The following RGS3 variants were observed in gnomAD, a reference collection of about 807,000 sequenced individuals.
RGS3 encodes the protein regulator of G-protein signalling 3.
Under a neutral mutation model 132.6 loss-of-function variants are expected in RGS3, and 80 were observed. The observed-to-expected ratio is 0.60, with a 90% confidence interval of 0.50 to 0.73. RGS3 has a LOEUF of 0.73. RGS3 is among the 30% of genes least tolerant of loss of function. The probability of loss-of-function intolerance (pLI) is 0.00; values close to 1 mark genes in which losing one functional copy is unlikely to be tolerated. For missense variants in RGS3, 1,382 were observed against 1,530.8 expected, an observed-to-expected ratio of 0.90 and a Z score of 1.62; for synonymous variants, 598 against 620.6, an observed-to-expected ratio of 0.96 and a Z score of 0.54.
intron 10 of RGS3, chr9:113,501,361 T>G (rs1234102007): frequency 1.5e-6 from 2 of 1,307,120 alleles, no homozygotes; most frequent in Admixed American, 2.9e-5. Flanking sequence ...TCCCTCTTCC[T>G]TGTCATTCTG....
intron 19 of RGS3, among the ~76,000 whole-genome samples, chr9:113,546,337 C>G (rs1833114386): frequency 6.6e-6 from 1 of 152,136 alleles, no homozygotes; most frequent in African/African-American, 2.4e-5. Flanking sequence ...CTTCGTGGTT[C>G]CCAGAGTACT....
At chr9:113,574,567 AC>A (rs1295030538) in intron 19 of RGS3, among the ~76,000 whole-genome samples, 6 of 152,222 alleles carry the variant, frequency 3.9e-5, no homozygotes, top group Admixed American at 3.3e-4. Context: ...AATAAGCCAG[AC>A]ATGATCCTGA....
chr9:113,505,575 GCTTT>G, intron 11 of RGS3, 52 bp downstream of exon 9: 7 of 1,459,678 alleles, frequency 4.8e-6, no homozygotes, highest in Non-Finnish European at 6.7e-6. Flanking sequence ...ACACATGTGG[GCTTT>G]GCAAACATAG....
intron 10 of RGS3, 100 bp downstream of exon 8, chr9:113,498,180 G>A (rs1830748075): frequency 2.0e-6 from 2 of 976,812 alleles, no homozygotes; most frequent in Non-Finnish European, 1.6e-6. Flanking sequence ...TTTGGTGCTT[G>A]AAACTCAGCA....
chr9:113,551,782 C>G (rs1214204464), intron 19 of RGS3, among the ~76,000 whole-genome samples: 1 of 152,174 alleles, frequency 6.6e-6, no homozygotes, highest in African/African-American at 2.4e-5. Context: ...TTGCTTGAAC[C>G]TGGGAGGTGG....
At chr9:113,501,413 A>G (rs1165232691) in intron 10 of RGS3, 1 of 1,456,276 alleles carries the variant, frequency 6.9e-7, no homozygotes, top group African/African-American at 1.4e-5. Flanking sequence ...AGAGGCACAC[A>G]GCACAGACAG....
intron 18 of RGS3, chr9:113,536,508 G>A: frequency 1.8e-6 from 2 of 1,130,518 alleles, no homozygotes; most frequent in Non-Finnish European, 2.2e-6. Context: ...GACCTCATCG[G>A]CTCTGTCCTG....
At chr9:113,461,117 T>A (rs1211471401) in intron 1 of RGS3, among the ~76,000 whole-genome samples, 6 of 152,196 alleles carry the variant, frequency 3.9e-5, no homozygotes, top group Non-Finnish European at 7.3e-5. Context: ...TATGTGCATA[T>A]GATGTGACTG....
intron 3 of RGS3, among the ~76,000 whole-genome samples, chr9:113,464,922 C>T (rs911394924): frequency 4.6e-5 from 7 of 152,032 alleles, no homozygotes; most frequent in African/African-American, 7.2e-5. Context: ...GCTTTTTTTC[C>T]TTAGGGGTAG....
rs1414067422 is a variant in RGS3, at chr9:113,548,242, G to A, written c.2037+11324G>A. On this transcript the variant is annotated intron_variant, in intron 19 of 24. Transcript: ENST00000350696. ...TTCTGAAGATTCTGCTGGGCTGGGG[G>A]CAGGAAAGGGGTCACAGACGGTCTT... is the stretch of plus-strand genomic sequence containing the variant. Among the ~76,000 whole-genome samples, 7 of 152,206 alleles carry A rather than the reference G, an allele frequency of 4.6e-5. No individual in the cohort carries two copies. In the East Asian group the frequency reaches 1.3e-3, roughly 29 times the overall value.
intron 18 of RGS3, among the ~76,000 whole-genome samples, chr9:113,532,945 C>T (rs1832531872): frequency 6.6e-6 from 1 of 152,214 alleles, no homozygotes; most frequent in African/African-American, 2.4e-5. Context: ...GCATTCTGGT[C>T]GCCTCTTGGT....
intron 10 of RGS3, among the ~76,000 whole-genome samples, chr9:113,499,365 C>T (rs1349359129): frequency 6.6e-6 from 1 of 152,100 alleles, no homozygotes; most frequent in Non-Finnish European, 1.5e-5. Flanking sequence ...GAGGGACATA[C>T]ATGGTTCAGA....
intron 19 of RGS3, among the ~76,000 whole-genome samples, chr9:113,548,465 C>G (rs1016456898): frequency 5.9e-5 from 9 of 152,178 alleles, no homozygotes; most frequent in African/African-American, 2.2e-4. Context: ...TTACCTGCAG[C>G]TAGGAGCATG....
chr9:113,491,397 C>T (rs557291590), intron 7 of RGS3, among the ~76,000 whole-genome samples: 1 of 151,732 alleles, frequency 6.6e-6, no homozygotes, highest in South Asian at 2.1e-4. Flanking sequence ...TCTGCAGGCG[C>T]ATGCCACCAT....
rs1305095004 is a variant in RGS3 at position 113,447,329 on chromosome 9, G to GTATATATGTATATGTATATATATA, written c.-13+2409_-13+2410insGTATATGTATATATATATATATAT. The stretch of plus-strand genomic sequence containing the variant: ...CCAATAAATTCTGATGTATGTATAT[G>GTATATATGTATATGTATATATATA]TATATATATATATATATATATATAT... On this transcript the variant is annotated intron_variant, in intron 1 of 25. Transcript: ENST00000374140. Among the ~76,000 whole-genome samples, 6 of 27,536 alleles carry GTATATATGTATATGTATATATATA rather than the reference G, an allele frequency of 2.2e-4. 1 individual carries two copies. Among genetic ancestry groups the GTATATATGTATATGTATATATATA allele is most frequent in the Non-Finnish European group, 3.7e-4 (5 of 13,364 alleles). The allele number at this position is 27,536 out of a possible 152,430, so 18.1% of individuals were successfully genotyped here.
intron 19 of RGS3, among the ~76,000 whole-genome samples, chr9:113,555,690 C>T (rs1354677130): frequency 1.3e-5 from 2 of 152,212 alleles, no homozygotes; most frequent in African/African-American, 4.8e-5. Flanking sequence ...TGGTCTCGAA[C>T]TCCTGACCTC....
intron 7 of RGS3, among the ~76,000 whole-genome samples, chr9:113,488,088 G>T (rs1012642388): frequency 6.6e-6 from 1 of 152,196 alleles, no homozygotes; most frequent in Admixed American, 6.5e-5. Flanking sequence ...GGAAGGTTGA[G>T]GTGAGAGAGA....
chr9:113,575,411 T>C (rs1834468433), intron 19 of RGS3, among the ~76,000 whole-genome samples: 1 of 152,148 alleles, frequency 6.6e-6, no homozygotes, highest in Non-Finnish European at 1.5e-5. Flanking sequence ...ACAGAGGAGC[T>C]TCAGTCTGTG....
chr9:113,445,291 G>A (rs1040910325), intron 1 of RGS3, among the ~76,000 whole-genome samples: 3 of 151,642 alleles, frequency 2.0e-5, no homozygotes, highest in Non-Finnish European at 2.9e-5. Context: ...TCCGCCTCCC[G>A]GGTTCAAGCG....
Sources: gnomAD v4.1 joint callset for allele counts (sites outside exome capture counted in the v4.1 genomes callset) on GRCh38, gnomAD v4.1.1 for gene constraint, MANE v1.5 for transcripts, NCBI Gene and HGNC (gene_info 2026-07-23, HGNC 2026-07-21) for gene names.